Variants in SLCO3A1 observed in about 807,000 individuals in gnomAD.
SLCO3A1 encodes solute carrier organic anion transporter family member 3A1.
SLCO3A1 carries 27 observed loss-of-function variants against 63.1 expected under a neutral mutation model. The ratio of observed to expected loss-of-function variants is 0.43; its 90% CI spans 0.32 to 0.59. The LOEUF (loss-of-function observed/expected upper bound fraction) is 0.59, where lower values mean the gene tolerates loss of function less well. Ranked by LOEUF, SLCO3A1 falls within the 20% of genes least tolerant of loss-of-function variation. The pLI is 0.09. For missense variants in SLCO3A1, 773 were observed against 945.8 expected, an observed-to-expected ratio of 0.82 and a Z score of 2.40; for synonymous variants, 473 against 409.9, an observed-to-expected ratio of 1.15 and a Z score of -1.86.
chr15:92,163,062 A>G lies in SLCO3A1; in HGVS notation c.2060A>G (p.Gln687Arg). 3 of 1,570,278 alleles carry G rather than the reference A, an allele frequency of 1.9e-6. No homozygotes were observed. The highest frequency in any genetic ancestry group is 2.6e-6 in the Non-Finnish European group (3 of 1,159,566). The change falls in exon 10 of 10, where the codon CAG (glutamine) becomes CGG (arginine). Residue 687 changes from glutamine (Q) to arginine (R), a missense_variant. Coordinates refer to ENST00000318445, the MANE Select transcript of SLCO3A1 (RefSeq NM_013272.4). ...NLGRDPVPANQTHRTKFIYNL... is the reference protein window; with the variant it reads ...NLGRDPVPANRTHRTKFIYNL... ...GGGAGGGACCCTGTGCCCGCAAACCAGACACATAGGACAAAGTTTATCTAT... is the reference window on the plus strand; with the variant it reads ...GGGAGGGACCCTGTGCCCGCAAACCGGACACATAGGACAAAGTTTATCTAT...
chr15:92,133,923 G>A (rs746227671), intron 7 of SLCO3A1, among the ~76,000 whole-genome samples: 16 of 152,156 alleles, frequency 1.1e-4, no homozygotes, highest in Non-Finnish European at 2.2e-4. Flanking sequence ...AAAGGTTGGG[G>A]ACCTCTGCCA....
intron 9 of SLCO3A1, among the ~76,000 whole-genome samples, chr15:92,158,026 G>C (rs2048393310): frequency 6.6e-6 from 1 of 152,164 alleles, no homozygotes; most frequent in Non-Finnish European, 1.5e-5. Flanking sequence ...CTCCCTGTCT[G>C]AGTTCACATC....
chr15:91,960,693 C>T (rs144384449), intron 2 of SLCO3A1, among the ~76,000 whole-genome samples: 138 of 152,280 alleles, frequency 9.1e-4, no homozygotes, highest in African/African-American at 3.2e-3. Flanking sequence ...ATTTTGCCAC[C>T]TGCAGTACCC....
At chr15:91,987,730 C>G (rs1027411289) in intron 2 of SLCO3A1, among the ~76,000 whole-genome samples, 1 of 129,988 alleles carries the variant, frequency 7.7e-6, no homozygotes, top group African/African-American at 2.9e-5. Flanking sequence ...GGCGACAGAG[C>G]GAGACTTTGT....
At chr15:92,081,095 G>A (rs1002568254) in intron 2 of SLCO3A1, among the ~76,000 whole-genome samples, 25 of 151,966 alleles carry the variant, frequency 1.6e-4, no homozygotes, top group Non-Finnish European at 3.2e-4. Flanking sequence ...TTGTGTTACC[G>A]ACATTCCAGT....
intron 4 of SLCO3A1, among the ~76,000 whole-genome samples, chr15:92,114,340 G>C (rs535495899): frequency 6.6e-6 from 1 of 152,240 alleles, no homozygotes; most frequent in Admixed American, 6.5e-5. Flanking sequence ...TTATTTATTA[G>C]ATTCTTTAAT....
At chr15:92,048,329 C>T (rs995976454) in intron 2 of SLCO3A1, among the ~76,000 whole-genome samples, 3 of 152,116 alleles carry the variant, frequency 2.0e-5, no homozygotes, top group Non-Finnish European at 2.9e-5. Flanking sequence ...CCCTCTCTCT[C>T]CTCTCCTGGG....
chr15:92,121,173 T>A (rs1401259872), intron 5 of SLCO3A1, among the ~76,000 whole-genome samples: 1 of 152,218 alleles, frequency 6.6e-6, no homozygotes, highest in Non-Finnish European at 1.5e-5. Context: ...AGAGTTGACA[T>A]ACTAAAGAAA....
chr15:92,132,453 A>T (rs1186772414), intron 7 of SLCO3A1, among the ~76,000 whole-genome samples: 1 of 144,950 alleles, frequency 6.9e-6, no homozygotes, highest in Non-Finnish European at 1.5e-5. Context: ...GGGTGACCAA[A>T]AAAAAATTGA....
At chr15:92,170,613 C>T (rs967059611), downstream of SLCO3A1, among the ~76,000 whole-genome samples, 1 of 152,228 alleles carries the variant, frequency 6.6e-6, no homozygotes, top group Non-Finnish European at 1.5e-5. Flanking sequence ...TATGAAGCCT[C>T]TGCAAAGCCA....
intron 9 of SLCO3A1, among the ~76,000 whole-genome samples, chr15:92,157,431 C>CG (rs1036710975): frequency 2.6e-5 from 4 of 151,588 alleles, no homozygotes; most frequent in African/African-American, 9.8e-5. Context: ...CTGGCCCCCC[C>CG]CCTTGTCCTC....
downstream of SLCO3A1, among the ~76,000 whole-genome samples, chr15:92,170,251 A>C (rs543138583): frequency 1.2e-4 from 18 of 152,332 alleles, no homozygotes; most frequent in South Asian, 1.7e-3. Flanking sequence ...AATGTTCTAC[A>C]GAAGGATCCC....
rs541517017 is a variant in SLCO3A1 at position 91,894,908 on chromosome 15, A to C, written c.181-21085A>C. The stretch of plus-strand genomic sequence containing the variant: ...TAGCTCGCCTGCAAGAACTCTCAAG[A>C]ATCAAGGTTGAGTCTGTTGTTCCTA... On this transcript the variant is annotated intron_variant, in intron 1 of 9. Coordinates refer to ENST00000318445, the MANE Select transcript of SLCO3A1 (RefSeq NM_013272.4). This position sits in a 1 kb window ranked among gnomAD's most constrained non-coding sequence, Gnocchi z 4.8. 2.0e-5 allele frequency among the ~76,000 whole-genome samples: 3 copies of C among 152,260 alleles called. No homozygotes were observed. The East Asian group carries it at 5.8e-4, about 29-fold the overall frequency.
At chr15:91,982,701 T>C (rs2046002975) in intron 2 of SLCO3A1, among the ~76,000 whole-genome samples, 1 of 152,218 alleles carries the variant, frequency 6.6e-6, no homozygotes, top group Non-Finnish European at 1.5e-5. Context: ...TCACAAGTGA[T>C]TTGAGTTGCT....
chr15:92,153,769 G>C (rs542106636), intron 9 of SLCO3A1: 1 of 152,474 alleles, frequency 6.6e-6, no homozygotes, highest in South Asian at 2.1e-4. Flanking sequence ...TCATACAGAT[G>C]AGCAGGGAGA....
At chr15:91,866,716 G>C (rs1897174923) in intron 1 of SLCO3A1, among the ~76,000 whole-genome samples, 1 of 151,994 alleles carries the variant, frequency 6.6e-6, no homozygotes, top group Admixed American at 6.6e-5. Flanking sequence ...ATTTATCGTG[G>C]GGGGGGAGAT....
At chr15:92,076,123 C>T (rs1034553904) in intron 2 of SLCO3A1, among the ~76,000 whole-genome samples, 15 of 152,214 alleles carry the variant, frequency 9.9e-5, no homozygotes, top group Admixed American at 5.9e-4. Flanking sequence ...TGTCAGCAAG[C>T]GGCCGTGTCC....
At chr15:91,957,116 A>ATTATATATATACTATATAGTATATAAT (rs1271110657) in intron 2 of SLCO3A1, among the ~76,000 whole-genome samples, 2 of 11,876 alleles carry the variant, frequency 1.7e-4, no homozygotes, top group Admixed American at 1.8e-3. Flanking sequence ...ATATATATAT[A>ATTATATATATACTATATAGTATATAAT]ATATATATAA....
chr15:92,129,085 C>T (rs1206205719), intron 7 of SLCO3A1, among the ~76,000 whole-genome samples: 2 of 152,152 alleles, frequency 1.3e-5, no homozygotes, highest in East Asian at 1.9e-4. Context: ...TGCTAAGTGA[C>T]GGGTCATCCA....
Sources: gnomAD v4.1 joint callset for allele counts (sites outside exome capture counted in the v4.1 genomes callset) on GRCh38, gnomAD v4.1.1 for gene constraint, Gnocchi (gnomAD v3.1) non-coding constraint, MANE v1.5 for transcripts, NCBI Gene and HGNC (gene_info 2026-07-23, HGNC 2026-07-21) for gene names.